Variants in FOXK1 observed in about 807,000 individuals in gnomAD.
FOXK1 encodes forkhead box protein K1.
FOXK1 carries 19 observed loss-of-function variants against 51.9 expected under a neutral mutation model. The observed-to-expected ratio is 0.37, with a 90% confidence interval of 0.26 to 0.54. FOXK1 has a LOEUF of 0.54. Ranked by LOEUF, FOXK1 falls within the 20% of genes least tolerant of loss-of-function variation. FOXK1 has a pLI of 0.87. For synonymous variants in FOXK1, 537 were observed against 482.6 expected, an observed-to-expected ratio of 1.11 and a Z score of -1.48; for missense variants, 870 against 1,032.7, an observed-to-expected ratio of 0.84 and a Z score of 2.16.
chr7:4,682,975 C>G lies in FOXK1; in HGVS notation c.560+107C>G, dbSNP rs1779771811. ...CCCTCCAGCTTCCTCGGCCTCGACC[C>G]CCACCCCCCGGCCCACCCCCGGTAA... On this transcript the variant is annotated intron_variant, in intron 1 of 8. Coordinates refer to ENST00000328914, the MANE Select transcript of FOXK1 (RefSeq NM_001037165.2). The surrounding 1 kb of genome is among the most constrained non-coding windows in gnomAD (Gnocchi z 7.6). 5 of 1,199,678 alleles carry G rather than the reference C, an allele frequency of 4.2e-6. No individual in the cohort carries two copies. The highest frequency in any genetic ancestry group is 4.4e-6 in the Non-Finnish European group (4 of 905,390). 74.3% of individuals were successfully genotyped at this position (1,199,678 alleles called of 1,614,324 possible).
In FOXK1 at chr7:4,700,088, C is replaced by A. The variant is rs564771981; in HGVS notation, c.560+17220C>A. ...GAGCCATTTCCGTCAGGAGGCCTTCCCCGGTGCCTGGCTGAGCTTAGGTCC... is the reference window on the plus strand; with the variant it reads ...GAGCCATTTCCGTCAGGAGGCCTTCACCGGTGCCTGGCTGAGCTTAGGTCC... On this transcript the variant is annotated intron_variant, in intron 1 of 8. Coordinates refer to ENST00000328914, the MANE Select transcript of FOXK1 (RefSeq NM_001037165.2). Among the ~76,000 whole-genome samples the A allele has an allele frequency of 2.1e-3, 316 of 152,294 alleles. 1 individual carries two copies. The highest frequency in any genetic ancestry group is 2.1e-3 in the Non-Finnish European group (143 of 68,030).
rs1004783714 is a variant in FOXK1 at position 4,711,100 on chromosome 7, C to A, written c.560+28232C>A. ...ACGGCTGTCCATCAGCTGTGCAGGG[C>A]CAAGCTGGGCCTGGATCCTACTTAG... On this transcript the variant is annotated intron_variant, in intron 1 of 8. Coordinates refer to ENST00000328914, the MANE Select transcript of FOXK1 (RefSeq NM_001037165.2). This position sits in a 1 kb window ranked among gnomAD's most constrained non-coding sequence, Gnocchi z 6.3. Among the ~76,000 whole-genome samples, 1 of 152,106 alleles carries A rather than the reference C, an allele frequency of 6.6e-6. No individual in the cohort carries two copies. The highest frequency in any genetic ancestry group is 2.4e-5 in the African/African-American group (1 of 41,398).
intron 1 of FOXK1, among the ~76,000 whole-genome samples, chr7:4,725,099 G>A (rs1409659234): frequency 3.9e-5 from 6 of 152,356 alleles, no homozygotes; most frequent in Middle Eastern, 3.4e-3. Context: ...AGCGTCCTCC[G>A]CGCCCACGTT....
chr7:4,740,700 A>G, intron 1 of FOXK1, 138 bp from the exon 2 acceptor site: 1 of 771,532 alleles, frequency 1.3e-6, no homozygotes, highest in Non-Finnish European at 2.1e-6. Context: ...TGATAAAAGC[A>G]TCGAAACTGC....
intron 1 of FOXK1, among the ~76,000 whole-genome samples, chr7:4,718,481 T>G (rs1780267002): frequency 6.6e-6 from 1 of 152,190 alleles, no homozygotes; most frequent in East Asian, 1.9e-4. Context: ...GTTCCCCTGT[T>G]TGTTTGACCC....
intron 1 of FOXK1, among the ~76,000 whole-genome samples, chr7:4,684,863 T>A (rs1248498051): frequency 1.3e-5 from 2 of 152,126 alleles, no homozygotes. Context: ...GGAAAAAATT[T>A]CAACCTCAGA....
Position 4,709,019 on chromosome 7 carries a change from C to T in FOXK1, c.560+26151C>T, listed in dbSNP as rs1198082205. ...GGTGGAGGTTGCAGTGAGCCAAGATCGCCCCACTGCACTCCAGCCTGGGCA... is the reference window on the plus strand; with the variant it reads ...GGTGGAGGTTGCAGTGAGCCAAGATTGCCCCACTGCACTCCAGCCTGGGCA... On this transcript the variant is annotated intron_variant, in intron 1 of 8. Coordinates refer to ENST00000328914, the MANE Select transcript of FOXK1 (RefSeq NM_001037165.2). This position sits in a 1 kb window ranked among gnomAD's most constrained non-coding sequence, Gnocchi z 5.6. Among the ~76,000 whole-genome samples, 3 of 149,352 alleles carry T rather than the reference C, an allele frequency of 2.0e-5. No individual in the cohort carries two copies. The highest frequency in any genetic ancestry group is 5.0e-5 in the African/African-American group (2 of 40,246).
rs1381541531 is a variant in FOXK1 at position 4,768,582 on chromosome 7, A to G, written c.*6118A>G. On this transcript the variant is annotated 3_prime_UTR_variant, in exon 9 of 9. Coordinates refer to ENST00000328914, the MANE Select transcript of FOXK1 (RefSeq NM_001037165.2). The stretch of plus-strand genomic sequence containing the variant: ...CCTCAGCTCTGCTGCTGGATGGAAC[A>G]TTTCAACCCCCTCCGGGAAGGTGGG... 6.6e-6 allele frequency: 1 copy of G among 152,476 alleles called. No homozygotes were observed. Among genetic ancestry groups the G allele is most frequent in the Admixed American group, 6.5e-5 (1 of 15,286 alleles). 9.4% of individuals were successfully genotyped at this position (152,476 alleles called of 1,614,324 possible).
intron 2 of FOXK1, among the ~76,000 whole-genome samples, chr7:4,742,317 G>A (rs1405856309): frequency 2.6e-5 from 4 of 152,128 alleles, no homozygotes; most frequent in Non-Finnish European, 5.9e-5. Flanking sequence ...GGCTGGTCAC[G>A]TCAGTCCCTC....
In FOXK1 at chr7:4,730,712, A is replaced by G. The variant is rs1006511953; in HGVS notation, c.561-10126A>G. ...TGCTGGCGAAGACGTGGTCTCTGCAATAGAGAGGCGCCTATGGCTGCAGCC... is the reference window on the plus strand; with the variant it reads ...TGCTGGCGAAGACGTGGTCTCTGCAGTAGAGAGGCGCCTATGGCTGCAGCC... On this transcript the variant is annotated intron_variant, in intron 1 of 8. Coordinates refer to ENST00000328914, the MANE Select transcript of FOXK1 (RefSeq NM_001037165.2). This position sits in a 1 kb window ranked among gnomAD's most constrained non-coding sequence, Gnocchi z 4.7. Among the ~76,000 whole-genome samples, 7 of 152,192 alleles carry G rather than the reference A, an allele frequency of 4.6e-5. No individual in the cohort carries two copies. The highest frequency in any genetic ancestry group is 7.3e-5 in the Non-Finnish European group (5 of 68,032).
chr7:4,707,318 G>T lies in FOXK1; in HGVS notation c.560+24450G>T, dbSNP rs2115038988. 6.6e-6 allele frequency among the ~76,000 whole-genome samples: 1 copy of T among 152,328 alleles called. No individual in the cohort carries two copies. The highest frequency in any genetic ancestry group is 3.4e-3 in the Middle Eastern group (1 of 294). ...TGCTTATTTCAGGGAAAACTCTTGT[G>T]ATGAATGGGCCATCCGGGATAAACA... On this transcript the variant is annotated intron_variant, in intron 1 of 8. Transcript: ENST00000328914. The surrounding 1 kb of genome is among the most constrained non-coding windows in gnomAD (Gnocchi z 4.1).
Position 4,720,768 on chromosome 7 carries a change from C to T in FOXK1, c.561-20070C>T, listed in dbSNP as rs372682269. 2.0e-4 allele frequency among the ~76,000 whole-genome samples: 31 copies of T among 151,284 alleles called. No individual in the cohort carries two copies. The East Asian group carries it at 2.7e-3, about 13-fold the overall frequency. ...AGGGTGGAGTGCAATGGCGCGATCT[C>T]GGTGCAGTGGCGCGATCTTGGCTCA... On this transcript the variant is annotated intron_variant, in intron 1 of 8. Transcript: ENST00000328914.
rs62453206 is a variant in FOXK1 at position 4,758,738 on chromosome 7, G to A, written c.1245-313G>A. The A allele has an allele frequency of 5.6e-3, 1,930 of 346,896 alleles. 11 individuals are homozygous for A. The highest frequency in any genetic ancestry group is 7.4e-3 in the Non-Finnish European group (1,411 of 191,396). The allele number at this position is 346,896 out of a possible 1,614,324, so 21.5% of individuals were successfully genotyped here. A position where few individuals can be genotyped will look rare whatever the true frequency, so the allele number is the denominator to read the frequency against. On this transcript the variant is annotated intron_variant, in intron 5 of 8. Transcript: ENST00000328914. The surrounding 1 kb of genome is among the most constrained non-coding windows in gnomAD (Gnocchi z 4.4). ...TTATGTTTTTGGCACAGAAGGCCTG[G>A]GCCATTTTCATGGACACCTGGCTGG...
At chr7:4,721,580 C>CT (rs908969302) in intron 1 of FOXK1, among the ~76,000 whole-genome samples, 16 of 135,720 alleles carry the variant, frequency 1.2e-4, no homozygotes, top group South Asian at 9.1e-4. Flanking sequence ...TTTTCTTTTT[C>CT]TTTTTTTTCT....
chr7:4,725,136 T>A (rs4492258), intron 1 of FOXK1, among the ~76,000 whole-genome samples: 3 of 152,208 alleles, frequency 2.0e-5, no homozygotes, highest in South Asian at 2.1e-4. Context: ...TGCTGTGCTC[T>A]CTCGCAGTTC....
chr7:4,706,126 A>G (rs1385787766), intron 1 of FOXK1, among the ~76,000 whole-genome samples: 4 of 151,588 alleles, frequency 2.6e-5, no homozygotes, highest in Non-Finnish European at 5.9e-5. Context: ...AAATGCGAGC[A>G]GGAGAAAAGC....
chr7:4,701,750 A>G (rs1298661618), intron 1 of FOXK1, among the ~76,000 whole-genome samples: 1 of 152,190 alleles, frequency 6.6e-6, no homozygotes, highest in Non-Finnish European at 1.5e-5. Context: ...AAAATTAGCC[A>G]GGCATGGTGG....
At chr7:4,705,510 C>CTTGTCT (rs1780072203) in intron 1 of FOXK1, among the ~76,000 whole-genome samples, 1 of 118,844 alleles carries the variant, frequency 8.4e-6, no homozygotes, top group African/African-American at 3.9e-5. Context: ...GTGTCATTTC[C>CTTGTCT]TTCTCTTTCT....
intron 1 of FOXK1, among the ~76,000 whole-genome samples, chr7:4,695,421 G>A (rs1284013595): frequency 6.6e-6 from 1 of 152,178 alleles, no homozygotes; most frequent in African/African-American, 2.4e-5. Flanking sequence ...GCCATGGCGA[G>A]TCTAGAACTT....
Sources: gnomAD v4.1 joint callset for allele counts (sites outside exome capture counted in the v4.1 genomes callset) on GRCh38, gnomAD v4.1.1 for gene constraint, Gnocchi (gnomAD v3.1) non-coding constraint, MANE v1.5 for transcripts, NCBI Gene and HGNC (gene_info 2026-07-23, HGNC 2026-07-21) for gene names.